Variants in DAW1 observed in about 807,000 individuals in gnomAD.
The protein encoded by DAW1 is dynein assembly factor with WD repeats 1.
DAW1 carries 47 observed loss-of-function variants against 56.5 expected under a neutral mutation model. The observed-to-expected ratio is 0.83, with a 90% CI of 0.66 to 1.06. DAW1 has a LOEUF of 1.06. DAW1 is among the 50% of genes least tolerant of loss of function. DAW1 has a pLI of 0.00. For synonymous variants in DAW1, 190 were observed against 179.0 expected (o/e 1.06, Z -0.49); for missense variants, 505 against 499.3 (o/e 1.01, Z -0.11).
intron 2 of DAW1, chr2:227,887,620 T>C (rs1254916206): frequency 1.3e-5 from 2 of 152,188 alleles, no homozygotes; most frequent in Non-Finnish European, 2.9e-5. Context: ...ATCTAAGAAG[T>C]ATGAATTATT....
chr2:227,896,041 A>G (rs1310543334), intron 5 of DAW1, among the ~76,000 whole-genome samples: 1 of 152,218 alleles, frequency 6.6e-6, no homozygotes, highest in East Asian at 1.9e-4. Context: ...CCAATATAAT[A>G]TCTTTTAGAA....
chr2:227,895,546 G>A, intron 5 of DAW1: 1 of 152,314 alleles, frequency 6.6e-6, no homozygotes, highest in East Asian at 1.9e-4. Context: ...GAAGGATGGA[G>A]GGTGGTGAGC....
intron 7 of DAW1, among the ~76,000 whole-genome samples, 178 bp from the exon 8 acceptor site, chr2:227,904,751 C>A (rs1372434854): frequency 6.6e-6 from 1 of 152,126 alleles, no homozygotes; most frequent in Non-Finnish European, 1.5e-5. Flanking sequence ...CTTTCCATCA[C>A]CCCAAAAAGA....
chr2:227,898,197 TG>T lies in DAW1; in HGVS notation c.459del (p.Ser154ProfsTer27). ...TAAATCTTAGTGACAAAATCGCCACTGGGTCCTTTGATAAAACTTGTAAACT... is the reference window on the plus strand; with the variant it reads ...TAAATCTTAGTGACAAAATCGCCACTGGTCCTTTGATAAAACTTGTAAACT... ...NNPYGDKIAT[G>X]SFDKTCKLWS... On this transcript the variant is annotated frameshift_variant, in exon 6 of 13. Coordinates refer to ENST00000309931, the MANE Select transcript of DAW1 (RefSeq NM_178821.3). LOFTEE classifies it high-confidence loss of function. 6.4e-7 allele frequency: 1 copy of T among 1,573,794 alleles called. No homozygotes were observed. Among genetic ancestry groups the T allele is most frequent in the Non-Finnish European group, 8.6e-7 (1 of 1,157,242 alleles).
chr2:227,885,819 T>C (rs947752710), intron 2 of DAW1, among the ~76,000 whole-genome samples: 1 of 152,194 alleles, frequency 6.6e-6, no homozygotes, highest in African/African-American at 2.4e-5. Context: ...ATTCAGTTTT[T>C]CTTAGTTTTT....
intron 5 of DAW1, among the ~76,000 whole-genome samples, chr2:227,896,031 C>A (rs894211057): frequency 6.6e-6 from 1 of 151,924 alleles, no homozygotes; most frequent in Non-Finnish European, 1.5e-5. Flanking sequence ...ATCTAGGTTG[C>A]CAATATAATA....
chr2:227,904,598 G>A (rs777382396), intron 7 of DAW1, among the ~76,000 whole-genome samples: 4 of 152,292 alleles, frequency 2.6e-5, no homozygotes, highest in South Asian at 4.1e-4. Context: ...TGTAAAGGAC[G>A]TCCTCTAGTT....
intron 5 of DAW1, among the ~76,000 whole-genome samples, chr2:227,895,098 A>G (rs1310025688): frequency 6.6e-6 from 1 of 152,220 alleles, no homozygotes; most frequent in Non-Finnish European, 1.5e-5. Context: ...CACTGTCAAA[A>G]TCTAGAAAAA....
At chr2:227,879,440 T>G (rs180759447) in intron 1 of DAW1, among the ~76,000 whole-genome samples, 1 of 152,144 alleles carries the variant, frequency 6.6e-6, no homozygotes, top group African/African-American at 2.4e-5. Context: ...GTTCTTTATA[T>G]TAAGTTCTTA....
chr2:227,900,911 A>G (rs1048214920), intron 6 of DAW1, among the ~76,000 whole-genome samples: 6 of 152,208 alleles, frequency 3.9e-5, no homozygotes, highest in African/African-American at 1.4e-4. Flanking sequence ...GTGAGCAATT[A>G]AAGTAGGAGA....
At chr2:227,875,652 GAT>G (rs1199735076) in intron 1 of DAW1, among the ~76,000 whole-genome samples, 1 of 152,172 alleles carries the variant, frequency 6.6e-6, no homozygotes, top group African/African-American at 2.4e-5. Flanking sequence ...TGAAGACTTA[GAT>G]ATCTCCTTTC....
At chr2:227,913,728 C>A (rs916350799) in intron 10 of DAW1, among the ~76,000 whole-genome samples, 1 of 152,078 alleles carries the variant, frequency 6.6e-6, no homozygotes, top group African/African-American at 2.4e-5. Context: ...TTTGTAGAAT[C>A]CTTGTACACC....
At chr2:227,905,487 C>A (rs1574663209) in intron 8 of DAW1, among the ~76,000 whole-genome samples, 1 of 152,186 alleles carries the variant, frequency 6.6e-6, no homozygotes, top group Admixed American at 6.5e-5. Flanking sequence ...GAAAACTCTA[C>A]TCTTGGATTT....
chr2:227,877,568 T>G (rs1039971499), intron 1 of DAW1, among the ~76,000 whole-genome samples: 7 of 152,262 alleles, frequency 4.6e-5, no homozygotes, highest in Non-Finnish European at 8.8e-5. Flanking sequence ...ACACAACCTT[T>G]TTGGCACCAG....
chr2:227,898,950 A>G (rs967811996), intron 6 of DAW1, among the ~76,000 whole-genome samples: 10 of 152,232 alleles, frequency 6.6e-5, no homozygotes, highest in Non-Finnish European at 1.5e-4. Context: ...TTTTTAAACT[A>G]CTATGTGAAA....
chr2:227,874,019 A>C (rs924895148), intron 1 of DAW1, among the ~76,000 whole-genome samples: 4 of 152,224 alleles, frequency 2.6e-5, no homozygotes, highest in Admixed American at 2.6e-4. Flanking sequence ...ATAGGTAGAT[A>C]GTATATAGAA....
intron 1 of DAW1, among the ~76,000 whole-genome samples, chr2:227,876,283 G>A (rs1177252608): frequency 6.6e-6 from 1 of 152,242 alleles, no homozygotes; most frequent in African/African-American, 2.4e-5. Context: ...GCCTCCCAAA[G>A]TGCTGGGATG....
At chr2:227,907,648 A>G (rs763773181) in intron 10 of DAW1, among the ~76,000 whole-genome samples, 3 of 152,190 alleles carry the variant, frequency 2.0e-5, no homozygotes, top group Non-Finnish European at 4.4e-5. Flanking sequence ...CCCAGGCTCA[A>G]GTAATTTTCC....
At chr2:227,909,232 T>TTATC (rs3057690) in intron 10 of DAW1, among the ~76,000 whole-genome samples, 39,711 of 138,610 alleles carry the variant, frequency 0.29, 5,854 homozygotes, top group Admixed American at 0.36. Flanking sequence ...GGTGGTGATA[T>TTATC]TATCTATCTA....
Sources: allele counts gnomAD v4.1 joint callset (sites outside exome capture counted in the v4.1 genomes callset), GRCh38; gene constraint gnomAD v4.1.1; transcripts MANE v1.5; gene names NCBI Gene and HGNC (gene_info 2026-07-23, HGNC 2026-07-21).